The following ASIC2 variants were observed in gnomAD, a reference collection of about 807,000 sequenced individuals.
ASIC2 encodes the protein acid-sensing ion channel 2.
Under a neutral mutation model 57.3 loss-of-function variants are expected in ASIC2, and 25 were observed. The observed-to-expected ratio is 0.44, with a 90% CI of 0.32 to 0.61. ASIC2 has a LOEUF of 0.61. Among genes scored for constraint, ASIC2 ranks in the 20% least tolerant of loss-of-function variants. The probability of loss-of-function intolerance (pLI) is 0.06; values close to 1 mark genes in which losing one functional copy is unlikely to be tolerated. For synonymous variants in ASIC2, 319 were observed against 307.5 expected (o/e 1.04, Z -0.39); for missense variants, 641 against 738.1 (o/e 0.87, Z 1.52).
intron 1 of ASIC2, among the ~76,000 whole-genome samples, chr17:33,896,620 TG>T (rs756481784): frequency 1.3e-5 from 2 of 152,246 alleles, no homozygotes; most frequent in East Asian, 3.8e-4. Flanking sequence ...GGGGGCTGTC[TG>T]TAGCTTTGTA....
chr17:34,090,638 A>G (rs1411056287), intron 1 of ASIC2, among the ~76,000 whole-genome samples: 2 of 152,190 alleles, frequency 1.3e-5, no homozygotes, highest in East Asian at 3.9e-4. Context: ...CAACCCAAGA[A>G]GGAAAAAGAG....
chr17:33,820,706 CTTGA>C (rs1437705866), intron 1 of ASIC2, among the ~76,000 whole-genome samples: 3 of 151,988 alleles, frequency 2.0e-5, no homozygotes, highest in South Asian at 2.1e-4. Context: ...TTATTTTTTA[CTTGA>C]TTAAGATTTT....
chr17:33,834,483 C>A (rs317326), intron 1 of ASIC2: 112,040 of 152,096 alleles, frequency 0.74, 41,722 homozygotes, highest in East Asian at 0.88. Flanking sequence ...ATGTGAATCA[C>A]GACAGATACC....
intron 1 of ASIC2, among the ~76,000 whole-genome samples, chr17:33,446,070 G>A (rs569683321): frequency 1.3e-5 from 2 of 152,046 alleles, no homozygotes; most frequent in East Asian, 3.9e-4. Flanking sequence ...CTGGAAGATG[G>A]AGTAGGAGAC....
At chr17:34,015,143 A>G (rs895703517) in intron 1 of ASIC2, among the ~76,000 whole-genome samples, 1 of 146,626 alleles carries the variant, frequency 6.8e-6, no homozygotes, top group African/African-American at 2.5e-5. Context: ...TCCTGGGCTC[A>G]AGAGATCTAT....
intron 1 of ASIC2, among the ~76,000 whole-genome samples, chr17:33,409,852 G>C (rs943070543): frequency 1.3e-5 from 2 of 152,204 alleles, no homozygotes; most frequent in African/African-American, 4.8e-5. Flanking sequence ...GCCAAGTTTT[G>C]TTCTATTCTA....
chr17:34,069,188 C>G (rs1909287495), intron 1 of ASIC2: 1 of 108,410 alleles, frequency 9.2e-6, no homozygotes, highest in Admixed American at 9.3e-5. Flanking sequence ...CCCTCCCTCC[C>G]TTCCCTTCCC....
chr17:33,919,083 TATC>T (rs1254086718), intron 1 of ASIC2, among the ~76,000 whole-genome samples: 4 of 152,242 alleles, frequency 2.6e-5, no homozygotes, highest in Admixed American at 1.3e-4. Context: ...GGAGACTGGC[TATC>T]TAGCTCCCTG....
intron 1 of ASIC2, among the ~76,000 whole-genome samples, chr17:33,928,117 T>C (rs1204862037): frequency 6.6e-6 from 1 of 152,182 alleles, no homozygotes; most frequent in Non-Finnish European, 1.5e-5. Flanking sequence ...TTTTTGGTTT[T>C]TTTCCCCCTG....
At chr17:33,960,675 A>T (rs1225807703) in intron 1 of ASIC2, among the ~76,000 whole-genome samples, 1 of 152,152 alleles carries the variant, frequency 6.6e-6, no homozygotes, top group African/African-American at 2.4e-5. Flanking sequence ...AGTTTCTAGA[A>T]TGTACCATTG....
In ASIC2 at chr17:33,652,664, G is replaced by A. The variant is rs560057829; in HGVS notation, c.555+503314C>T. 5.3e-5 allele frequency among the ~76,000 whole-genome samples: 8 copies of A among 152,288 alleles called. No individual in the cohort carries two copies. The South Asian group carries it at 1.0e-3, about 20-fold the overall frequency. ...CCTGCTGGGCTAGCCTGAGAAAGCC[G>A]GGGCCAGTCACCCCTCAACTCCGTT... On this transcript the variant is annotated intron_variant, in intron 1 of 9. Coordinates refer to the ASIC2 transcript ENST00000359872.
At chr17:33,605,176 AC>A (rs1905200101) in intron 1 of ASIC2, among the ~76,000 whole-genome samples, 1 of 152,200 alleles carries the variant, frequency 6.6e-6, no homozygotes, top group African/African-American at 2.4e-5. Flanking sequence ...TTATAATCTT[AC>A]GTTGGGCAAG....
chr17:34,052,494 T>C (rs568658599), intron 1 of ASIC2, among the ~76,000 whole-genome samples: 1 of 152,328 alleles, frequency 6.6e-6, no homozygotes, highest in South Asian at 2.1e-4. Flanking sequence ...AACATGTGAC[T>C]GGACTGTATA....
intron 1 of ASIC2, among the ~76,000 whole-genome samples, chr17:33,406,023 C>A (rs1567850625): frequency 7.1e-6 from 1 of 140,862 alleles, no homozygotes; most frequent in Non-Finnish European, 1.5e-5. Flanking sequence ...CAGGCTCTTT[C>A]CATGAAAAAA....
rs1567779505 is a variant in ASIC2, at chr17:33,192,434, CAAA to C, written c.709-80370_709-80368del. 6.4e-3 allele frequency among the ~76,000 whole-genome samples: 932 copies of C among 145,666 alleles called. 12 individuals are homozygous for C. The highest frequency in any genetic ancestry group is 0.021 in the African/African-American group (867 of 40,700). On this transcript the variant is annotated intron_variant, in intron 1 of 9. Coordinates refer to ENST00000225823, the MANE Select transcript of ASIC2 (RefSeq NM_183377.2). ...CAAAACAAAACAAAACAAAACAAAA[CAAA>C]ACAAAACAAAACAAAACACAACCAA...
chr17:33,153,823 G>C (rs549778439), intron 1 of ASIC2, among the ~76,000 whole-genome samples: 1 of 152,158 alleles, frequency 6.6e-6, no homozygotes, highest in South Asian at 2.1e-4. Context: ...GACAGCCCAC[G>C]TCCACTCTTG....
intron 1 of ASIC2, among the ~76,000 whole-genome samples, chr17:33,266,984 AC>A (rs1482980918): frequency 6.6e-6 from 1 of 152,194 alleles, no homozygotes; most frequent in African/African-American, 2.4e-5. Flanking sequence ...CAAATTCTCC[AC>A]TTTTTGAAAT....
intron 1 of ASIC2, chr17:34,004,093 C>T (rs894171926): frequency 6.6e-6 from 1 of 152,052 alleles, no homozygotes; most frequent in Non-Finnish European, 1.5e-5. Context: ...ATGGTGGGAC[C>T]CTTTGGATGA....
At chr17:34,043,309 TA>T (rs1402223584) in intron 1 of ASIC2, among the ~76,000 whole-genome samples, 2 of 152,218 alleles carry the variant, frequency 1.3e-5, no homozygotes, top group African/African-American at 4.8e-5. Flanking sequence ...TAAATAGGTT[TA>T]TTTTTTAAAG....
Sources: allele counts gnomAD v4.1 joint callset (sites outside exome capture counted in the v4.1 genomes callset), GRCh38; gene constraint gnomAD v4.1.1; transcripts MANE v1.5; gene names NCBI Gene and HGNC (gene_info 2026-07-23, HGNC 2026-07-21).